The following SYNDIG1 variants were observed in gnomAD, a reference collection of about 807,000 sequenced individuals.
SYNDIG1 encodes synapse differentiation-inducing gene protein 1.
Under a neutral mutation model 19.4 loss-of-function variants are expected in SYNDIG1, and 9 were observed. The ratio of observed to expected loss-of-function variants is 0.46; its 90% CI spans 0.28 to 0.81. SYNDIG1 has a LOEUF of 0.81. Ranked by LOEUF, SYNDIG1 falls within the 30% of genes least tolerant of loss-of-function variation. The pLI, the probability that SYNDIG1 is intolerant of heterozygous loss-of-function variation, is 0.12. For missense variants in SYNDIG1, 311 were observed against 343.3 expected, an observed-to-expected ratio of 0.91 and a Z score of 0.74; for synonymous variants, 141 against 145.9, an observed-to-expected ratio of 0.97 and a Z score of 0.24.
At chr20:24,618,254 G>A (rs555095330) in intron 3 of SYNDIG1, among the ~76,000 whole-genome samples, 2 of 150,250 alleles carry the variant, frequency 1.3e-5, no homozygotes, top group Non-Finnish European at 3.0e-5. Flanking sequence ...AGAGCCCCGG[G>A]AGGGGGGAGA....
At chr20:24,562,086 C>T (rs908501749) in intron 2 of SYNDIG1, among the ~76,000 whole-genome samples, 1 of 152,122 alleles carries the variant, frequency 6.6e-6, no homozygotes, top group Non-Finnish European at 1.5e-5. Flanking sequence ...GTGGATCACT[C>T]ACACAAAGGA....
intron 3 of SYNDIG1, among the ~76,000 whole-genome samples, chr20:24,664,685 G>T (rs923920214): frequency 2.4e-4 from 36 of 152,170 alleles, no homozygotes; most frequent in Admixed American, 2.4e-3. Flanking sequence ...TGTTAGTTTT[G>T]TATCAAATGA....
rs1326407309 is a variant in SYNDIG1, at chr20:24,658,635, A to G, written c.619-6711A>G. ...CCCCACCCCCACCCCCCGGCGATTC[A>G]CTGAATGTGAAATAGATTCCCACGA... On this transcript the variant is annotated intron_variant, in intron 3 of 3. Coordinates refer to ENST00000376862, the MANE Select transcript of SYNDIG1 (RefSeq NM_024893.3). This position sits in a 1 kb window ranked among gnomAD's most constrained non-coding sequence, Gnocchi z 4.4. Among the ~76,000 whole-genome samples, 1 of 144,832 alleles carries G rather than the reference A, an allele frequency of 6.9e-6. No homozygotes were observed. The highest frequency in any genetic ancestry group is 1.5e-5 in the Non-Finnish European group (1 of 65,998).
chr20:24,626,565 G>A lies in SYNDIG1; in HGVS notation c.619-38781G>A, dbSNP rs1250479803. Among the ~76,000 whole-genome samples the A allele has an allele frequency of 3.3e-5, 5 of 151,452 alleles. No individual in the cohort carries two copies. In the South Asian group the frequency reaches 6.3e-4, roughly 19 times the overall value. ...TCACTTCCTAGGTGGGATGGCGGCC[G>A]GGCAGAGACGCTCCTCACTTTCCAG... On this transcript the variant is annotated intron_variant, in intron 3 of 3. Transcript: ENST00000376862.
At position 24,652,200 on chromosome 20, in the gene SYNDIG1, G is replaced by A. The variant is rs149666361; in HGVS notation, c.619-13146G>A. 8.9e-3 allele frequency among the ~76,000 whole-genome samples: 1,352 copies of A among 152,306 alleles called. 12 individuals carry two copies. The highest frequency in any genetic ancestry group is 0.022 in the Admixed American group (342 of 15,308). The stretch of plus-strand genomic sequence containing the variant: ...GTTGCATCCAGGAAATGGGATTGAC[G>A]GGAAAGCCAGACAGAGGCGTTGAAA... On this transcript the variant is annotated intron_variant, in intron 3 of 3. Transcript: ENST00000376862.
At chr20:24,610,560 G>T (rs531059524) in intron 3 of SYNDIG1, among the ~76,000 whole-genome samples, 1 of 152,210 alleles carries the variant, frequency 6.6e-6, no homozygotes, top group East Asian at 1.9e-4. Flanking sequence ...TCAGATTTAT[G>T]CATTGCCTGA....
At chr20:24,626,204 G>A (rs1422267154) in intron 3 of SYNDIG1, among the ~76,000 whole-genome samples, 2 of 106,042 alleles carry the variant, frequency 1.9e-5, no homozygotes, top group South Asian at 2.9e-4. Flanking sequence ...GGGGCGGCTG[G>A]CCTGGCGGGG....
Position 24,604,508 on chromosome 20 carries a change from A to T in SYNDIG1, c.618+19515A>T, listed in dbSNP as rs547004477. On this transcript the variant is annotated intron_variant, in intron 3 of 3. Transcript: ENST00000376862. Reference sequence around the variant, plus strand: ...TACATGCACCGCCATGCTAAAAGACACTCCCACCAGCGCCATGACAGTTTA... The same window carrying T: ...TACATGCACCGCCATGCTAAAAGACTCTCCCACCAGCGCCATGACAGTTTA... 2.2e-3 allele frequency among the ~76,000 whole-genome samples: 341 copies of T among 152,060 alleles called. 2 individuals are homozygous for T. The highest frequency in any genetic ancestry group is 7.1e-3 in the African/African-American group (296 of 41,496).
At chr20:24,551,532 C>T (rs1031185151) in intron 2 of SYNDIG1, among the ~76,000 whole-genome samples, 3 of 151,330 alleles carry the variant, frequency 2.0e-5, no homozygotes, top group African/African-American at 7.3e-5. Flanking sequence ...TTTCCTTTGG[C>T]TTAAATTTGT....
rs988436647 is a variant in SYNDIG1, at chr20:24,470,858, G to A, written c.-79+1105G>A. ...ACAGTCCTCCTGCGACGTCAGATGCGCTGGCGCCGCGGCGCTCCTGGCTCG... is the reference window on the plus strand; with the variant it reads ...ACAGTCCTCCTGCGACGTCAGATGCACTGGCGCCGCGGCGCTCCTGGCTCG... On this transcript the variant is annotated intron_variant, in intron 1 of 3. Transcript: ENST00000376862. Among the ~76,000 whole-genome samples the A allele has an allele frequency of 2.6e-5, 4 of 152,112 alleles. No individual in the cohort carries two copies. The South Asian group carries it at 8.3e-4, about 32-fold the overall frequency.
intron 3 of SYNDIG1, among the ~76,000 whole-genome samples, chr20:24,662,776 T>C (rs62215350): frequency 0.076 from 11,506 of 152,312 alleles, 534 homozygotes; most frequent in Non-Finnish European, 0.098. Context: ...CAAACTTCAC[T>C]TGCAACCTGT....
intron 2 of SYNDIG1, among the ~76,000 whole-genome samples, chr20:24,548,862 G>C (rs2057644922): frequency 6.6e-6 from 1 of 152,034 alleles, no homozygotes; most frequent in Non-Finnish European, 1.5e-5. Flanking sequence ...CTCATAATCA[G>C]GTATAGGAAG....
chr20:24,513,977 C>T (rs2056807331), intron 1 of SYNDIG1, among the ~76,000 whole-genome samples: 1 of 152,186 alleles, frequency 6.6e-6, no homozygotes, highest in African/African-American at 2.4e-5. Flanking sequence ...ATTCAACATT[C>T]TTTAAGAAAA....
chr20:24,506,313 C>G (rs1568593762), intron 1 of SYNDIG1, among the ~76,000 whole-genome samples: 3 of 152,188 alleles, frequency 2.0e-5, no homozygotes, highest in African/African-American at 4.8e-5. Flanking sequence ...TGCCACATGC[C>G]AGGTGGCAGC....
At chr20:24,639,185 G>A (rs937827975) in intron 3 of SYNDIG1, among the ~76,000 whole-genome samples, 4 of 152,218 alleles carry the variant, frequency 2.6e-5, no homozygotes, top group African/African-American at 9.7e-5. Context: ...CCCAGAGTGA[G>A]GTAAGACGCA....
At chr20:24,519,653 G>C (rs549139690) in intron 1 of SYNDIG1, among the ~76,000 whole-genome samples, 1 of 152,136 alleles carries the variant, frequency 6.6e-6, no homozygotes, top group Non-Finnish European at 1.5e-5. Flanking sequence ...TCTCTACCAC[G>C]TGCCTTTATT....
intron 1 of SYNDIG1, among the ~76,000 whole-genome samples, chr20:24,516,330 A>G (rs547277906): frequency 7.2e-5 from 11 of 152,364 alleles, no homozygotes; most frequent in African/African-American, 2.6e-4. Flanking sequence ...AAATTGACAA[A>G]TGGAATCTAA....
chr20:24,663,856 T>C (rs1356359142), intron 3 of SYNDIG1, among the ~76,000 whole-genome samples: 1 of 152,146 alleles, frequency 6.6e-6, no homozygotes, highest in African/African-American at 2.4e-5. Context: ...GCAATGACTC[T>C]TTCAGTTAGC....
chr20:24,660,230 G>A (rs960941921), intron 3 of SYNDIG1, among the ~76,000 whole-genome samples: 2 of 152,164 alleles, frequency 1.3e-5, no homozygotes, highest in Non-Finnish European at 2.9e-5. Flanking sequence ...AATTCTTATT[G>A]GGTATTTACA....
Sources: allele counts gnomAD v4.1 joint callset (sites outside exome capture counted in the v4.1 genomes callset), GRCh38; gene constraint gnomAD v4.1.1; non-coding constraint Gnocchi (gnomAD v3.1); transcripts MANE v1.5; gene names NCBI Gene and HGNC (gene_info 2026-07-23, HGNC 2026-07-21).